The following REPS2 variants were observed in gnomAD, a reference collection of about 807,000 sequenced individuals.
The protein encoded by REPS2 is RALBP1 associated Eps domain containing 2.
In REPS2, 23 loss-of-function variants were observed where a neutral mutation model predicts 53.6. The observed-to-expected ratio is 0.43, with a 90% CI of 0.31 to 0.61. The LOEUF (loss-of-function observed/expected upper bound fraction) is 0.61, where lower values mean the gene tolerates loss of function less well. Ranked by LOEUF, REPS2 falls within the 20% of genes least tolerant of loss-of-function variation. The probability of loss-of-function intolerance (pLI) is 0.11; values close to 1 mark genes in which losing one functional copy is unlikely to be tolerated. For missense variants in REPS2, 446 were observed against 534.9 expected (o/e 0.83, Z 1.64); for synonymous variants, 238 against 218.6 (o/e 1.09, Z -0.78).
chrX:17,147,042 C>T (rs2063523271), intron 17 of REPS2, among the ~76,000 whole-genome samples: 1 of 111,928 alleles, frequency 8.9e-6, no homozygotes, highest in South Asian at 3.7e-4. Context: ...GTCCTGTTGG[C>T]TCACTGCTCA....
At chrX:17,067,671 C>G (rs965367965) in intron 9 of REPS2, among the ~76,000 whole-genome samples, 2 of 112,244 alleles carry the variant, frequency 1.8e-5, no homozygotes, top group Non-Finnish European at 3.8e-5. Context: ...TATCCCACAA[C>G]AAGAAGGCTG....
intron 5 of REPS2, among the ~76,000 whole-genome samples, chrX:17,044,048 G>A (rs1350927843): frequency 8.0e-5 from 9 of 112,347 alleles, no homozygotes; most frequent in Admixed American, 2.8e-4. Flanking sequence ...TAGGCAGCAG[G>A]TCATCTCTGC....
intron 6 of REPS2, among the ~76,000 whole-genome samples, chrX:17,048,630 G>T (rs934760423): frequency 8.9e-6 from 1 of 111,979 alleles, no homozygotes; most frequent in African/African-American, 3.2e-5. Flanking sequence ...AACACATAAG[G>T]TTGTTTCAGT....
At chrX:17,088,986 A>G (rs369832877) in intron 13 of REPS2, among the ~76,000 whole-genome samples, 14 of 111,546 alleles carry the variant, frequency 1.3e-4, no homozygotes, top group East Asian at 8.4e-4. Context: ...GGCACACCCT[A>G]CTACTTTTCT....
intron 9 of REPS2, among the ~76,000 whole-genome samples, chrX:17,065,478 G>C (rs996960124): frequency 2.7e-4 from 30 of 112,737 alleles, no homozygotes; most frequent in African/African-American, 9.7e-4. Flanking sequence ...CTATTGAATT[G>C]TAAGTGTTCT....
chrX:17,176,724 A>G, the REPS2 span, among the ~76,000 whole-genome samples: 836 of 112,268 alleles, frequency 7.4e-3, 6 homozygotes, highest in Non-Finnish European at 0.012. Flanking sequence ...GTACCCAGTC[A>G]TGGCTCTGCT....
chrX:17,179,032 A>G, the REPS2 span, among the ~76,000 whole-genome samples: 2 of 112,093 alleles, frequency 1.8e-5, no homozygotes, highest in African/African-American at 3.2e-5. Context: ...CCACTCACAT[A>G]CTAATGAAAC....
Position 17,147,581 on chromosome X carries a change from C to A in REPS2, c.*100C>A. The A allele has an allele frequency of 1.5e-6, 1 of 654,668 alleles. No individual in the cohort carries two copies. Among genetic ancestry groups the A allele is most frequent in the Non-Finnish European group, 2.3e-6 (1 of 432,898 alleles). 54.0% of individuals were successfully genotyped at this position (654,668 alleles called of 1,213,427 possible). A position where few individuals can be genotyped will look rare whatever the true frequency, so the allele number is the denominator to read the frequency against. Reference sequence around the variant, plus strand: ...ACTTGTCATAGATGTTTGACTGTGTCAAAAGCTGTGAGCAGCAAAATATAA... The same window carrying A: ...ACTTGTCATAGATGTTTGACTGTGTAAAAAGCTGTGAGCAGCAAAATATAA... On this transcript the variant is annotated 3_prime_UTR_variant, in exon 18 of 18. Transcript: ENST00000357277.
the REPS2 span, among the ~76,000 whole-genome samples, chrX:17,169,060 T>A: frequency 1.8e-5 from 2 of 112,251 alleles, no homozygotes; most frequent in African/African-American, 6.5e-5. Flanking sequence ...AGAGACCATG[T>A]GAAGCAATGA....
chrX:17,143,652 A>T (rs2063476073), intron 17 of REPS2, among the ~76,000 whole-genome samples: 1 of 102,708 alleles, frequency 9.7e-6, no homozygotes, highest in Admixed American at 1.1e-4. Context: ...CTCTTCCTAC[A>T]TTTTCTTCTT....
intron 16 of REPS2, 23 bp downstream of exon 16, chrX:17,135,429 A>T (rs1433918312): frequency 8.4e-7 from 1 of 1,193,452 alleles, no homozygotes; most frequent in Admixed American, 2.3e-5. Context: ...CATAAACAAG[A>T]GTGAGGTAGG....
chrX:16,981,400 T>A (rs140156218), intron 1 of REPS2, among the ~76,000 whole-genome samples: 242 of 112,498 alleles, frequency 2.2e-3, no homozygotes, highest in African/African-American at 7.3e-3. Context: ...GGCTTTTCCT[T>A]AACACATTAT....
At chrX:16,956,349 T>C (rs1393891439) in intron 1 of REPS2, among the ~76,000 whole-genome samples, 1 of 83,621 alleles carries the variant, frequency 1.2e-5, no homozygotes, top group East Asian at 4.5e-4. Flanking sequence ...TCACCCAGGC[T>C]GGAGTGCAAT....
chrX:17,078,118 T>C lies in REPS2; in HGVS notation c.1516+711T>C, dbSNP rs1308436627. On this transcript the variant is annotated intron_variant, in intron 13 of 17. Coordinates refer to ENST00000357277, the MANE Select transcript of REPS2 (RefSeq NM_004726.3). ...GAAGATGGGAGGCATGCCTTTGCTT[T>C]AGTGAAGGTGATAGGATACGGTGCT... is the stretch of plus-strand genomic sequence containing the variant. Among the ~76,000 whole-genome samples the C allele has an allele frequency of 2.7e-5, 3 of 112,382 alleles. No individual in the cohort carries two copies. In the Admixed American group the frequency reaches 2.8e-4, roughly 10 times the overall value.
intron 1 of REPS2, among the ~76,000 whole-genome samples, chrX:16,967,831 C>T (rs1354527570): frequency 1.8e-5 from 2 of 109,084 alleles, no homozygotes; most frequent in Non-Finnish European, 3.8e-5. Context: ...TCTTTGCATA[C>T]CCATATTGGT....
At chrX:17,013,154 C>A (rs1486815238) in intron 2 of REPS2, among the ~76,000 whole-genome samples, 5 of 112,198 alleles carry the variant, frequency 4.5e-5, no homozygotes, top group Non-Finnish European at 7.5e-5. Flanking sequence ...GCCAGGGATG[C>A]TGCTCAACAC....
At chrX:16,962,276 T>TACACACACACACACACACAC (rs61520216) in intron 1 of REPS2, among the ~76,000 whole-genome samples, 3 of 81,859 alleles carry the variant, frequency 3.7e-5, no homozygotes, top group Non-Finnish European at 7.1e-5. Context: ...TATCGTGGGA[T>TACACACACACACACACACAC]ACACACACAC....
At chrX:16,963,075 C>T (rs1328443779) in intron 1 of REPS2, among the ~76,000 whole-genome samples, 5 of 110,444 alleles carry the variant, frequency 4.5e-5, no homozygotes, top group Non-Finnish European at 9.5e-5. Context: ...CTCCAGCCTG[C>T]GTGACAGAGT....
chrX:17,019,465 T>C (rs888855989), intron 2 of REPS2, among the ~76,000 whole-genome samples: 3 of 111,861 alleles, frequency 2.7e-5, no homozygotes, highest in Non-Finnish European at 5.6e-5. Flanking sequence ...CATCATTGTA[T>C]AGCAGGTACT....
Sources: allele counts gnomAD v4.1 joint callset (sites outside exome capture counted in the v4.1 genomes callset), GRCh38; gene constraint gnomAD v4.1.1; transcripts MANE v1.5; gene names NCBI Gene and HGNC (gene_info 2026-07-23, HGNC 2026-07-21).